The following DOCK3 variants were observed in gnomAD, a reference collection of about 807,000 sequenced individuals.
The protein encoded by DOCK3 is dedicator of cytokinesis 3.
In DOCK3, 60 loss-of-function variants were observed where a neutral mutation model predicts 265.6. That is an observed-to-expected ratio of 0.23 (90% CI 0.18 to 0.28). The LOEUF is 0.28. Among genes scored for constraint, DOCK3 ranks in the 10% least tolerant of loss-of-function variants. The pLI, the probability that DOCK3 is intolerant of heterozygous loss-of-function variation, is 1.00. For missense variants in DOCK3, 1,981 were observed against 2,594.3 expected (o/e 0.76, Z 5.14); for synonymous variants, 881 against 938.0 (o/e 0.94, Z 1.11).
In DOCK3 at chr3:51,237,423, G is replaced by A. The variant is rs1202195971; in HGVS notation, c.2002-67G>A. ...CCATTATTTGGAGAAGGAAGACTCT[G>A]TTTCCTGCTGGGGATAGATCTGAGG... On this transcript the variant is annotated intron_variant, in intron 20 of 52. Transcript: ENST00000266037. The A allele has an allele frequency of 4.4e-6, 6 of 1,353,038 alleles. No homozygotes were observed. In the East Asian group the frequency reaches 1.4e-4, roughly 32 times the overall value. 83.8% of individuals were successfully genotyped at this position (1,353,038 alleles called of 1,614,324 possible).
intron 5 of DOCK3, among the ~76,000 whole-genome samples, chr3:50,947,799 C>T (rs1320162697): frequency 6.6e-6 from 1 of 151,404 alleles, no homozygotes; most frequent in African/African-American, 2.4e-5. Flanking sequence ...TTAGTTCTCT[C>T]CAGTATTGTT....
intron 6 of DOCK3, among the ~76,000 whole-genome samples, chr3:51,073,590 C>A (rs150557480): frequency 6.6e-6 from 1 of 152,134 alleles, no homozygotes; most frequent in Admixed American, 6.5e-5. Context: ...AAATTGTAAA[C>A]CATCATGGAT....
chr3:50,808,562 A>C (rs1378765305), intron 2 of DOCK3, among the ~76,000 whole-genome samples: 1 of 152,170 alleles, frequency 6.6e-6, no homozygotes, highest in Non-Finnish European at 1.5e-5. Flanking sequence ...ACTCTGGCTC[A>C]CTCATGTGTT....
intron 2 of DOCK3, among the ~76,000 whole-genome samples, chr3:50,807,690 A>C (rs2106703086): frequency 6.6e-6 from 1 of 152,358 alleles, no homozygotes; most frequent in South Asian, 2.1e-4. Flanking sequence ...AATGTGCAGT[A>C]GAATCTGTAG....
intron 1 of DOCK3, among the ~76,000 whole-genome samples, chr3:50,745,616 A>AT (rs1272211558): frequency 6.6e-6 from 1 of 152,200 alleles, no homozygotes; most frequent in Non-Finnish European, 1.5e-5. Context: ...AACAAAACGC[A>AT]TAACACTGAA....
At chr3:51,366,704 G>T (rs912004050) in intron 49 of DOCK3, among the ~76,000 whole-genome samples, 1 of 152,144 alleles carries the variant, frequency 6.6e-6, no homozygotes, top group African/African-American at 2.4e-5. Context: ...GTTCTCATTG[G>T]TTTCAAAGAA....
Position 50,872,394 on chromosome 3 carries a change from GTC to G in DOCK3, c.163-17622_163-17621del, listed in dbSNP as rs904483069. 3.3e-5 allele frequency among the ~76,000 whole-genome samples: 5 copies of G among 152,200 alleles called. No homozygotes were observed. In the East Asian group the frequency reaches 7.7e-4, roughly 23 times the overall value. On this transcript the variant is annotated intron_variant, in intron 3 of 52. Transcript: ENST00000266037. ...TCTCTTACTTTCTGCCAAACAAGCAGTCTCTCTCTCTGTTTCGAGTCACCTGA... is the reference window on the plus strand; with the variant it reads ...TCTCTTACTTTCTGCCAAACAAGCAGTCTCTCTCTGTTTCGAGTCACCTGA...
intron 21 of DOCK3, among the ~76,000 whole-genome samples, chr3:51,241,628 C>A (rs2078614786): frequency 6.6e-6 from 1 of 152,142 alleles, no homozygotes; most frequent in Middle Eastern, 3.2e-3. Context: ...CATTTTCATT[C>A]TTTTTTCTCT....
intron 37 of DOCK3, among the ~76,000 whole-genome samples, chr3:51,340,630 TAGAAC>T (rs1327141631): frequency 1.3e-5 from 2 of 152,020 alleles, no homozygotes; most frequent in South Asian, 2.1e-4. Context: ...AATGAACAAA[TAGAAC>T]AGAGAGAAAA....
chr3:51,143,761 A>G (rs1437043418), intron 9 of DOCK3, among the ~76,000 whole-genome samples: 1 of 152,092 alleles, frequency 6.6e-6, no homozygotes, highest in Non-Finnish European at 1.5e-5. Flanking sequence ...TTTTGTGATT[A>G]TTTTCTCTCA....
At chr3:50,837,157 G>A (rs576123619) in intron 2 of DOCK3, among the ~76,000 whole-genome samples, 2 of 152,218 alleles carry the variant, frequency 1.3e-5, no homozygotes, top group South Asian at 2.1e-4. Flanking sequence ...GTCTTCTTCT[G>A]AGCCCTTCAA....
chr3:50,819,891 G>A (rs1055435379), intron 2 of DOCK3, among the ~76,000 whole-genome samples: 2 of 152,192 alleles, frequency 1.3e-5, no homozygotes, highest in African/African-American at 4.8e-5. Flanking sequence ...GAGCCTGGGA[G>A]GTGGAGATTG....
chr3:51,251,502 T>A (rs1384416509), intron 22 of DOCK3, among the ~76,000 whole-genome samples: 5 of 152,224 alleles, frequency 3.3e-5, no homozygotes, highest in African/African-American at 4.8e-5. Context: ...GTAAAAGCGT[T>A]CCTATTTCTC....
chr3:51,187,016 T>A (rs2087647346), intron 12 of DOCK3, among the ~76,000 whole-genome samples: 1 of 152,140 alleles, frequency 6.6e-6, no homozygotes, highest in South Asian at 2.1e-4. Context: ...CTAGTGGAGC[T>A]GTGAGAAGAG....
chr3:50,720,092 G>A (rs1053129942), intron 1 of DOCK3: 9 of 164,388 alleles, frequency 5.5e-5, no homozygotes, highest in African/African-American at 2.2e-4. Flanking sequence ...CTAGAATAGT[G>A]TTTGTCAAAG....
At chr3:50,908,030 A>T (rs924725742) in intron 4 of DOCK3, among the ~76,000 whole-genome samples, 1 of 151,928 alleles carries the variant, frequency 6.6e-6, no homozygotes, top group Non-Finnish European at 1.5e-5. Flanking sequence ...AGTATTCTCT[A>T]TTGGTGGTTA....
chr3:51,123,824 G>A (rs2084145677), intron 9 of DOCK3, among the ~76,000 whole-genome samples: 1 of 152,158 alleles, frequency 6.6e-6, no homozygotes, highest in South Asian at 2.1e-4. Flanking sequence ...GGCATAGTGA[G>A]CCACGCTTAG....
chr3:51,003,286 A>G (rs1047293069), intron 5 of DOCK3, among the ~76,000 whole-genome samples: 2 of 152,244 alleles, frequency 1.3e-5, no homozygotes, highest in Non-Finnish European at 2.9e-5. Context: ...TAAGCAGTAC[A>G]TTACTCTGTA....
intron 27 of DOCK3, among the ~76,000 whole-genome samples, chr3:51,308,762 G>A (rs2082859470): frequency 6.6e-6 from 1 of 152,184 alleles, no homozygotes; most frequent in Admixed American, 6.5e-5. Flanking sequence ...TGGTGGCCGG[G>A]CAGAGGGGCT....
Sources: gnomAD v4.1 joint callset for allele counts (sites outside exome capture counted in the v4.1 genomes callset) on GRCh38, gnomAD v4.1.1 for gene constraint, MANE v1.5 for transcripts, NCBI Gene and HGNC (gene_info 2026-07-23, HGNC 2026-07-21) for gene names.